The following BLTP1 variants were observed in gnomAD, a reference collection of about 807,000 sequenced individuals.
BLTP1 encodes fragile site-associated protein.
At chr4:122,256,481 A>G in the BLTP1 span, among the ~76,000 whole-genome samples, 1 of 152,222 alleles carries the variant, frequency 6.6e-6, no homozygotes, top group Non-Finnish European at 1.5e-5. Flanking sequence ...AGGAGAGGCT[A>G]GTGGACTTGG....
At chr4:122,236,838 A>T in the BLTP1 span, 4 of 985,292 alleles carry the variant, frequency 4.1e-6, no homozygotes, top group African/African-American at 1.7e-5. Flanking sequence ...GTAATTGCCG[A>T]ATTGCCATAA....
chr4:122,256,891 T>TGC, the BLTP1 span: 1 of 225,970 alleles, frequency 4.4e-6, no homozygotes, highest in Non-Finnish European at 7.4e-6. Context: ...TATTGAATGT[T>TGC]CCAAGTAGCT....
At chr4:122,353,499 A>G in the BLTP1 span, among the ~76,000 whole-genome samples, 1 of 152,196 alleles carries the variant, frequency 6.6e-6, no homozygotes, top group Admixed American at 6.5e-5. The surrounding 1 kb of genome is among the most constrained non-coding windows in gnomAD (Gnocchi z 4.3). Flanking sequence ...TATAAAATAT[A>G]TAGGCAAGGC....
At chr4:122,207,771 T>A in the BLTP1 span, 1 of 1,027,144 alleles carries the variant, frequency 9.7e-7, no homozygotes, top group Non-Finnish European at 1.3e-6. Flanking sequence ...CAATGTCTAC[T>A]ACCTTTAGTG....
the BLTP1 span, chr4:122,325,427 A>G: frequency 7.1e-7 from 1 of 1,408,640 alleles, no homozygotes; most frequent in African/African-American, 1.5e-5. Flanking sequence ...TACTATAATC[A>G]AAGTATGGAT....
the BLTP1 span, among the ~76,000 whole-genome samples, chr4:122,230,458 A>G: frequency 6.6e-6 from 1 of 152,196 alleles, no homozygotes; most frequent in South Asian, 2.1e-4. Context: ...AGTCTATACC[A>G]TGTATGCCAA....
chr4:122,240,308 A>G, the BLTP1 span: 2 of 1,614,134 alleles, frequency 1.2e-6, no homozygotes, highest in Non-Finnish European at 1.7e-6. Context: ...CAACCAGTGA[A>G]GAAAGTTCAT....
the BLTP1 span, chr4:122,239,892 A>G: frequency 6.2e-7 from 1 of 1,614,030 alleles, no homozygotes; most frequent in Non-Finnish European, 8.5e-7. Flanking sequence ...ATTTGAGCCC[A>G]TTAGCAGTGA....
the BLTP1 span, among the ~76,000 whole-genome samples, chr4:122,352,540 A>G: frequency 6.6e-6 from 1 of 151,738 alleles, no homozygotes. Flanking sequence ...TGGTATTTTT[A>G]GTAGAGACAG....
chr4:122,197,586 T>C, the BLTP1 span: 4 of 357,866 alleles, frequency 1.1e-5, no homozygotes, highest in Admixed American at 6.5e-5. Context: ...GAGCAGGTGC[T>C]GTTTTTTTTC....
chr4:122,276,197 A>G, the BLTP1 span: 3 of 530,288 alleles, frequency 5.7e-6, no homozygotes, highest in East Asian at 1.2e-4. Flanking sequence ...AAACACAGGT[A>G]AGGGCTGCTT....
chr4:122,315,452 A>G, the BLTP1 span: 10 of 1,613,806 alleles, frequency 6.2e-6, no homozygotes, highest in Non-Finnish European at 8.5e-6. Context: ...CAACTTCTTT[A>G]TTTAAACAGA....
chr4:122,340,903 A>AT, the BLTP1 span: 1 of 852,974 alleles, frequency 1.2e-6, no homozygotes, highest in Non-Finnish European at 1.4e-6. Context: ...GTTGTCAGCG[A>AT]TAACACTACA....
the BLTP1 span, among the ~76,000 whole-genome samples, chr4:122,288,456 G>A: frequency 2.6e-5 from 4 of 152,086 alleles, no homozygotes; most frequent in South Asian, 2.1e-4. Context: ...CAAAGTGGGC[G>A]GATCGCTTGA....
the BLTP1 span, chr4:122,223,994 A>G: frequency 5.1e-6 from 5 of 978,838 alleles, no homozygotes; most frequent in Non-Finnish European, 6.1e-6. Flanking sequence ...AGTAGTGAGT[A>G]TGAAATTATT....
chr4:122,224,427 G>C, the BLTP1 span: 1 of 1,482,478 alleles, frequency 6.7e-7, no homozygotes, highest in Non-Finnish European at 9.1e-7. Flanking sequence ...CAGGGGGTGT[G>C]GGGGGAAACA....
chr4:122,257,007 T>C, the BLTP1 span, among the ~76,000 whole-genome samples: 1 of 152,182 alleles, frequency 6.6e-6, no homozygotes, highest in African/African-American at 2.4e-5. Context: ...CATATTGACC[T>C]GTGCTATTGT....
the BLTP1 span, chr4:122,156,034 T>C: frequency 3.3e-6 from 3 of 917,006 alleles, no homozygotes; most frequent in Non-Finnish European, 3.9e-6. Flanking sequence ...TTCTCTGGCT[T>C]GGGAAACTGA....
At chr4:122,206,499 C>T in the BLTP1 span, among the ~76,000 whole-genome samples, 1 of 151,796 alleles carries the variant, frequency 6.6e-6, no homozygotes, top group Admixed American at 6.6e-5. Context: ...TTTGACCCAG[C>T]AATTCCACTT....
Sources: allele counts gnomAD v4.1 joint callset (sites outside exome capture counted in the v4.1 genomes callset), GRCh38; gene constraint gnomAD v4.1.1; non-coding constraint Gnocchi (gnomAD v3.1); transcripts MANE v1.5; gene names NCBI Gene and HGNC (gene_info 2026-07-23, HGNC 2026-07-21).